The following ZNF423 variants were observed in gnomAD, a reference collection of about 807,000 sequenced individuals.
The protein encoded by ZNF423 is zinc finger protein 423, also known as Ebf-associated zinc finger protein.
Under a neutral mutation model 95.8 loss-of-function variants are expected in ZNF423, and 12 were observed. The ratio of observed to expected loss-of-function variants is 0.13; its 90% CI spans 0.08 to 0.20. ZNF423 has a LOEUF of 0.20. ZNF423 is among the 10% of genes least tolerant of loss of function. The probability of loss-of-function intolerance (pLI) is 1.00; values close to 1 mark genes in which losing one functional copy is unlikely to be tolerated. For missense variants in ZNF423, 1,316 were observed against 1,737.1 expected, an observed-to-expected ratio of 0.76 and a Z score of 4.31; for synonymous variants, 749 against 711.9, an observed-to-expected ratio of 1.05 and a Z score of -0.83.
At chr16:49,709,984 G>C (rs1307440948) in intron 3 of ZNF423, among the ~76,000 whole-genome samples, 2 of 152,182 alleles carry the variant, frequency 1.3e-5, no homozygotes, top group African/African-American at 4.8e-5. Context: ...CTGGCATCTA[G>C]TGGGCAATGC....
intron 2 of ZNF423, among the ~76,000 whole-genome samples, chr16:49,740,207 A>AG (rs1404313493): frequency 6.6e-6 from 1 of 152,048 alleles, no homozygotes; most frequent in Non-Finnish European, 1.5e-5. Context: ...CCACCCTAAC[A>AG]GCCTGCACGT....
rs185816680 is a variant in ZNF423 at position 49,665,776 on chromosome 16, A to G, written c.302-26902T>C. Reference sequence around the variant, plus strand: ...CCGTCTCTTTCCCAGCTGAAGTTCTAGTTAAAAATGTTTTCATATGTTTAT... The same window carrying G: ...CCGTCTCTTTCCCAGCTGAAGTTCTGGTTAAAAATGTTTTCATATGTTTAT... On this transcript the variant is annotated intron_variant, in intron 3 of 7. Transcript: ENST00000563137. Among the ~76,000 whole-genome samples the G allele has an allele frequency of 6.1e-3, 926 of 152,210 alleles. 2 individuals are homozygous for G. The highest frequency in any genetic ancestry group is 8.8e-3 in the Non-Finnish European group (600 of 68,010).
At chr16:49,614,294 A>G (rs953733327) in intron 5 of ZNF423, among the ~76,000 whole-genome samples, 17 of 152,368 alleles carry the variant, frequency 1.1e-4, no homozygotes, top group African/African-American at 4.1e-4. Flanking sequence ...AAATAGTGAC[A>G]GAACAAATGC....
chr16:49,590,051 T>TATATA (rs879296139), intron 5 of ZNF423, among the ~76,000 whole-genome samples: 5 of 134,074 alleles, frequency 3.7e-5, no homozygotes, highest in East Asian at 2.7e-4. Context: ...TATATATATA[T>TATATA]TTGGTCCATA....
intron 2 of ZNF423, among the ~76,000 whole-genome samples, chr16:49,734,413 G>C (rs1030857634): frequency 6.6e-6 from 1 of 152,248 alleles, no homozygotes; most frequent in Non-Finnish European, 1.5e-5. Context: ...ACCTGGGCTA[G>C]AACTGCAGCT....
At position 49,547,478 on chromosome 16, in the gene ZNF423, C is replaced by A. The variant is rs538205533; in HGVS notation, c.3602-21984G>T. ...CAGGGACATAAGAAAAAAGATGAAA[C>A]CTGAAAACTCAGGATGGTAACAAAG... On this transcript the variant is annotated intron_variant, in intron 5 of 7. Transcript: ENST00000563137. Among the ~76,000 whole-genome samples the A allele has an allele frequency of 2.5e-4, 38 of 152,334 alleles. 1 individual carries two copies. The South Asian group carries it at 7.9e-3, about 32-fold the overall frequency.
chr16:49,590,622 T>G (rs1443982329), intron 5 of ZNF423, among the ~76,000 whole-genome samples: 1 of 152,164 alleles, frequency 6.6e-6, no homozygotes, highest in Non-Finnish European at 1.5e-5. Context: ...CCCCCAGCCC[T>G]GTGCTTCCCC....
chr16:49,614,095 C>G (rs775127719), intron 5 of ZNF423, among the ~76,000 whole-genome samples: 6 of 152,112 alleles, frequency 3.9e-5, no homozygotes, highest in Admixed American at 6.5e-5. Flanking sequence ...ACTCTCAAAA[C>G]TAAATGGTAA....
chr16:49,804,037 GT>G (rs1044104912), intron 1 of ZNF423, among the ~76,000 whole-genome samples: 1 of 149,146 alleles, frequency 6.7e-6, no homozygotes, highest in Non-Finnish European at 1.5e-5. Context: ...CCGGATTCAA[GT>G]GATTCTCCTG....
At position 49,774,662 on chromosome 16, in the gene ZNF423, G is replaced by A. The variant is rs536003559; in HGVS notation, c.100+14825C>T. 1.1e-4 allele frequency among the ~76,000 whole-genome samples: 16 copies of A among 152,286 alleles called. 1 individual carries two copies. The South Asian group carries it at 3.1e-3, about 30-fold the overall frequency. Reference sequence around the variant, plus strand: ...ATCATCCAGTAAGAAGTAAGCAACAGGTGGGTGGGCTCTGCCAGATGAAGA... The same window carrying A: ...ATCATCCAGTAAGAAGTAAGCAACAAGTGGGTGGGCTCTGCCAGATGAAGA... On this transcript the variant is annotated intron_variant, in intron 2 of 7. Transcript: ENST00000563137.
At chr16:49,706,227 C>T (rs2032345866) in intron 3 of ZNF423, among the ~76,000 whole-genome samples, 1 of 152,192 alleles carries the variant, frequency 6.6e-6, no homozygotes. Flanking sequence ...ACTGACCCCT[C>T]ACCACTCCCC....
chr16:49,768,324 G>A (rs1176175310), intron 2 of ZNF423, among the ~76,000 whole-genome samples: 2 of 152,196 alleles, frequency 1.3e-5, no homozygotes, highest in African/African-American at 2.4e-5. Flanking sequence ...AACTCTTCTC[G>A]GCCCAGAATG....
chr16:49,816,805 G>C (rs2034862921), intron 1 of ZNF423, among the ~76,000 whole-genome samples: 1 of 152,094 alleles, frequency 6.6e-6, no homozygotes, highest in Non-Finnish European at 1.5e-5. Context: ...AGATTCCAAA[G>C]CGTTTATTGT....
intron 3 of ZNF423, among the ~76,000 whole-genome samples, chr16:49,721,272 C>G (rs1204858858): frequency 1.3e-5 from 2 of 152,200 alleles, no homozygotes; most frequent in Non-Finnish European, 2.9e-5. Context: ...AAAAGGATCA[C>G]AGCAACTTCA....
intron 5 of ZNF423, among the ~76,000 whole-genome samples, chr16:49,530,262 C>CACTACACTCCCTAGACTACACTCCCTAG (rs1968791274): frequency 1.3e-5 from 2 of 152,108 alleles, no homozygotes; most frequent in Non-Finnish European, 2.9e-5. Flanking sequence ...CTCCTTCCCT[C>CACTACACTCCCTAGACTACACTCCCTAG]ACTACACTCA....
chr16:49,658,338 G>A (rs559600598), intron 3 of ZNF423, among the ~76,000 whole-genome samples: 11 of 152,296 alleles, frequency 7.2e-5, no homozygotes, highest in South Asian at 2.1e-4. Context: ...CAAGGAGCCC[G>A]GGGCCTGAGG....
Position 49,804,732 on chromosome 16 carries a change from T to A in ZNF423, c.41-15186A>T, listed in dbSNP as rs557546232. Among the ~76,000 whole-genome samples, 4 of 152,242 alleles carry A rather than the reference T, an allele frequency of 2.6e-5. No individual in the cohort carries two copies. In the South Asian group the frequency reaches 8.3e-4, roughly 32 times the overall value. ...CTTAGGATCAAATCCCAATCCACCA[T>A]ATTTTGCTGTGTGACTTGGGCAAAT... On this transcript the variant is annotated intron_variant, in intron 1 of 7. Coordinates refer to ENST00000563137, the MANE Select transcript of ZNF423 (RefSeq NM_001379286.1).
intron 2 of ZNF423, among the ~76,000 whole-genome samples, chr16:49,733,341 T>C (rs1427240485): frequency 6.6e-6 from 1 of 152,224 alleles, no homozygotes; most frequent in Non-Finnish European, 1.5e-5. Flanking sequence ...TAACACACAA[T>C]TTAATAGACA....
Position 49,541,397 on chromosome 16 carries a change from C to A in ZNF423, c.3602-15903G>T, listed in dbSNP as rs561983447. On this transcript the variant is annotated intron_variant, in intron 5 of 7. Coordinates refer to ENST00000563137, the MANE Select transcript of ZNF423 (RefSeq NM_001379286.1). ...CACAATTAAGTGGAAATACACAAAA[C>A]CAGGTAGTAAACACAATGCTATTTT... Among the ~76,000 whole-genome samples, 21 of 152,268 alleles carry A rather than the reference C, an allele frequency of 1.4e-4. 1 individual carries two copies. In the South Asian group the frequency reaches 4.4e-3, roughly 32 times the overall value.
Sources: gnomAD v4.1 joint callset for allele counts (sites outside exome capture counted in the v4.1 genomes callset) on GRCh38, gnomAD v4.1.1 for gene constraint, MANE v1.5 for transcripts, NCBI Gene and HGNC (gene_info 2026-07-23, HGNC 2026-07-21) for gene names.